PLD2: variants seen among roughly 807,000 people sequenced by gnomAD.
The protein encoded by PLD2 is phospholipase D2, also known as choline phosphatase 2.
In PLD2, 101 loss-of-function variants were observed where a neutral mutation model predicts 119.8. The observed-to-expected ratio is 0.84, with a 90% confidence interval of 0.72 to 0.99. PLD2 has a LOEUF of 0.99. PLD2 is among the 50% of genes least tolerant of loss of function. PLD2 has a pLI of 0.00. For synonymous variants in PLD2, 494 were observed against 482.8 expected (o/e 1.02, Z -0.30); for missense variants, 1,164 against 1,226.8 (o/e 0.95, Z 0.76).
intron 13 of PLD2, 21 bp downstream of exon 13, chr17:4,815,607 C>T: frequency 6.3e-7 from 1 of 1,593,202 alleles, no homozygotes; most frequent in South Asian, 1.1e-5. Context: ...GCCTCAGAGA[C>T]CCTCCCACAT....
intron 4 of PLD2, 61 bp from the exon 5 acceptor site, chr17:4,809,039 T>A (rs1906154204): frequency 7.5e-7 from 1 of 1,329,300 alleles, no homozygotes; most frequent in African/African-American, 1.4e-5. Context: ...TCCAGTGTTT[T>A]CAGGAACCAG....
rs1906115492 is a variant in PLD2, at chr17:4,808,557, C to G, written c.383+141C>G. ...TCCCCTGACCCCAGTTACCAGGAAA[C>G]TTTCCCTGCTCAGCTTTCCCTGTCC... On this transcript the variant is annotated intron_variant, in intron 4 of 24. Transcript: ENST00000263088. This position sits in a 1 kb window ranked among gnomAD's most constrained non-coding sequence, Gnocchi z 4.1. 1.3e-6 allele frequency: 1 copy of G among 772,978 alleles called. No homozygotes were observed. Among genetic ancestry groups the G allele is most frequent in the Non-Finnish European group, 2.1e-6 (1 of 469,678 alleles). 47.9% of individuals were successfully genotyped at this position (772,978 alleles called of 1,614,324 possible). A position where few individuals can be genotyped will look rare whatever the true frequency, so the allele number is the denominator to read the frequency against.
Position 4,809,986 on chromosome 17 carries a change from A to G in PLD2, c.817A>G (p.Ser273Gly). The G allele has an allele frequency of 6.2e-7, 1 of 1,613,982 alleles. No homozygotes were observed. The highest frequency in any genetic ancestry group is 8.5e-7 in the Non-Finnish European group (1 of 1,180,038). ...PGFEVQVGKR[S>G]TEARHGVRID... is the part of the protein sequence containing the mutation. The stretch of plus-strand genomic sequence containing the variant: ...CTTTGAGGTGCAAGTGGGGAAAAGG[A>G]GCACGGAGGCACGGCACGGCGTGCG... Residue 273 changes from serine (S) to glycine (G), a missense_variant, in exon 9 of 25, where the codon AGC (serine) becomes GGC (glycine). Transcript: ENST00000263088.
Position 4,819,731 on chromosome 17 carries a change from C to A in PLD2, c.2462+149C>A. On this transcript the variant is annotated intron_variant, in intron 23 of 24. Transcript: ENST00000263088. The surrounding 1 kb of genome is among the most constrained non-coding windows in gnomAD (Gnocchi z 4.2). ...CAATAGGCAAGGCTGGGCGCGGCAG[C>A]TCACGCCTCTAATCCCAGCACTTTG... is the stretch of plus-strand genomic sequence containing the variant. The A allele has an allele frequency of 1.3e-6, 1 of 786,312 alleles. No homozygotes were observed. The highest frequency in any genetic ancestry group is 2.0e-6 in the Non-Finnish European group (1 of 511,582). The allele number at this position is 786,312 out of a possible 1,614,324, so 48.7% of individuals were successfully genotyped here.
chr17:4,808,097 T>C lies in PLD2; in HGVS notation c.223T>C (p.Tyr75His). The change falls in exon 3 of 25, where the codon TAT (tyrosine) becomes CAT (histidine). Residue 75 changes from tyrosine (Y) to histidine (H), a missense_variant. Transcript: ENST00000263088. This position sits in a 1 kb window ranked among gnomAD's most constrained non-coding sequence, Gnocchi z 4.1. ...AGCCCAGGTGGTGGGCACCGAAAGA[T>C]ATACCAGCGGATCCAAGGTGGCCAG... is the stretch of plus-strand genomic sequence containing the variant. ...VTAQVVGTER[Y>H]TSGSKVGTCT... The C allele has an allele frequency of 6.2e-7, 1 of 1,610,436 alleles. No homozygotes were observed. The highest frequency in any genetic ancestry group is 1.3e-5 in the African/African-American group (1 of 74,924).
intron 15 of PLD2, 37 bp downstream of exon 15, chr17:4,816,783 A>C (rs1266916997): frequency 4.3e-6 from 7 of 1,614,060 alleles, no homozygotes; most frequent in Non-Finnish European, 5.9e-6. Flanking sequence ...CAGAGAGCTG[A>C]GAGCAGGGTC....
intron 18 of PLD2, 81 bp from the exon 19 acceptor site, chr17:4,818,216 T>G: frequency 1.4e-6 from 2 of 1,450,126 alleles, no homozygotes; most frequent in Non-Finnish European, 1.9e-6. Context: ...AGCAGACGCC[T>G]GGAGCCTGGG....
rs551543112 is a variant in PLD2 at position 4,807,648 on chromosome 17, C to T, written c.-1-124C>T. 1 of 620,402 alleles carries T rather than the reference C, an allele frequency of 1.6e-6. No individual in the cohort carries two copies. The highest frequency in any genetic ancestry group is 1.8e-5 in the South Asian group (1 of 54,928). 38.4% of individuals were successfully genotyped at this position (620,402 alleles called of 1,614,324 possible). ...TTGCAAACTGGTCAGGCGTCATCCG[C>T]GGGCGGTCAGGAGGCCGTGGGGGAA... On this transcript the variant is annotated intron_variant, in intron 1 of 24. Coordinates refer to ENST00000263088, the MANE Select transcript of PLD2 (RefSeq NM_002663.5). The surrounding 1 kb of genome is among the most constrained non-coding windows in gnomAD (Gnocchi z 5.4).
At chr17:4,817,937 A>C in intron 17 of PLD2, 65 bp from the exon 18 acceptor site, 1 of 1,151,090 alleles carries the variant, frequency 8.7e-7, no homozygotes, top group Non-Finnish European at 1.3e-6. Flanking sequence ...CAGCCTAGGC[A>C]ACAGAGCGAG....
Position 4,808,106 on chromosome 17 carries a change from G to A in PLD2, c.232G>A (p.Gly78Arg), listed in dbSNP as rs1256303540. ...GGTGGGCACCGAAAGATATACCAGC[G>A]GATCCAAGGTGGCCAGACTGGCCCC... ...QVVGTERYTS[G>R]SKVGTCTLYS... The change falls in exon 3 of 25, where the codon GGA becomes AGA. Residue 78 changes from glycine to arginine, a missense_variant. Physicochemically the swap from Gly to Arg is moderately radical, Grantham distance 125. Transcript: ENST00000263088. The surrounding 1 kb of genome is among the most constrained non-coding windows in gnomAD (Gnocchi z 4.1). 8.7e-6 allele frequency: 14 copies of A among 1,608,608 alleles called. No individual in the cohort carries two copies. Among genetic ancestry groups the A allele is most frequent in the Admixed American group, 3.3e-5 (2 of 59,834 alleles).
intron 9 of PLD2, 106 bp downstream of exon 9, chr17:4,810,135 C>A: frequency 8.6e-7 from 1 of 1,162,930 alleles, no homozygotes; most frequent in Non-Finnish European, 1.2e-6. Context: ...GGCTTTTCCA[C>A]CTCCCTGGAT....
Position 4,817,154 on chromosome 17 carries a change from G to A in PLD2, c.1710G>A (p.Lys570=). 1.2e-6 allele frequency: 2 copies of A among 1,613,248 alleles called. No individual in the cohort carries two copies. Among genetic ancestry groups the A allele is most frequent in the Non-Finnish European group, 1.7e-6 (2 of 1,179,184 alleles). The change falls in exon 17 of 25, where the codon AAG becomes AAA. Residue 570 remains lysine, a synonymous_variant. Transcript: ENST00000263088. ...CCATCCCTCCACGTCAGACCACCAAGGCCAAGTACAAGACTCCCACATACC... is the reference window on the plus strand; with the variant it reads ...CCATCCCTCCACGTCAGACCACCAAAGCCAAGTACAAGACTCCCACATACC... ...IQRWNFTKTT[K]AKYKTPTYPY... is the part of the protein sequence containing the mutation.
In PLD2 at chr17:4,816,989, G is replaced by C. The variant is rs771037018; in HGVS notation, c.1635G>C (p.Val545=). 13 of 1,613,928 alleles carry C rather than the reference G, an allele frequency of 8.1e-6. No homozygotes were observed. The highest frequency in any genetic ancestry group is 1.1e-5 in the Non-Finnish European group (13 of 1,179,966). Residue 545 remains valine (V), a synonymous_variant, in exon 16 of 25, where the codon GTG becomes GTC. Coordinates refer to ENST00000263088, the MANE Select transcript of PLD2 (RefSeq NM_002663.5). ...GGATGCCATGGCGGGACGTTGGGGT[G>C]GTCGTCCATGGCCTACCGGCCCGGG... The part of the protein sequence containing the change: ...TPRMPWRDVG[V]VVHGLPARDL...
intron 12 of PLD2, among the ~76,000 whole-genome samples, chr17:4,815,081 A>G (rs1375981201): frequency 6.6e-6 from 1 of 152,092 alleles, no homozygotes; most frequent in East Asian, 1.9e-4. Context: ...AGGAAGAAGG[A>G]TGCATGGATG....
intron 17 of PLD2, 153 bp from the exon 18 acceptor site, chr17:4,817,847 ACT>A (rs1434980084): frequency 1.8e-6 from 1 of 552,352 alleles, no homozygotes; most frequent in Non-Finnish European, 3.3e-6. Flanking sequence ...AGTCCCAGCT[ACT>A]TAGGAGGCTG....
At chr17:4,812,525 C>G (rs1007653545) in intron 10 of PLD2, among the ~76,000 whole-genome samples, 2 of 151,864 alleles carry the variant, frequency 1.3e-5, no homozygotes, top group Non-Finnish European at 2.9e-5. Flanking sequence ...GATCTCCTGA[C>G]TTCGTGATCT....
intron 8 of PLD2, 35 bp from the exon 9 acceptor site, chr17:4,809,842 G>A (rs1906263868): frequency 6.2e-7 from 1 of 1,613,948 alleles, no homozygotes; most frequent in Non-Finnish European, 8.5e-7. Flanking sequence ...AAATTTTGAG[G>A]GCAGAGAGGA....
chr17:4,816,080 A>C (rs1016788453), intron 14 of PLD2, 146 bp downstream of exon 14: 1 of 676,498 alleles, frequency 1.5e-6, no homozygotes, highest in African/African-American at 1.8e-5. Flanking sequence ...CCAAGAACCC[A>C]CTTTGAAAGT....
chr17:4,816,514 T>G, intron 14 of PLD2, 106 bp from the exon 15 acceptor site: 1 of 1,203,290 alleles, frequency 8.3e-7, no homozygotes, highest in Admixed American at 1.8e-5. Context: ...TGTTTCATTC[T>G]TCCTCTCGGT....
Sources: gnomAD v4.1 joint callset for allele counts (sites outside exome capture counted in the v4.1 genomes callset) on GRCh38, gnomAD v4.1.1 for gene constraint, Gnocchi (gnomAD v3.1) non-coding constraint, MANE v1.5 for transcripts, NCBI Gene and HGNC (gene_info 2026-07-23, HGNC 2026-07-21) for gene names.